PCDHA6: variants seen among roughly 807,000 people sequenced by gnomAD.
PCDHA6 encodes the protein protocadherin alpha-6.
PCDHA6 carries 55 observed loss-of-function variants against 60.3 expected under a neutral mutation model. The ratio of observed to expected loss-of-function variants is 0.91; its 90% CI spans 0.73 to 1.14. The LOEUF (loss-of-function observed/expected upper bound fraction) is 1.14. Among genes scored for constraint, PCDHA6 ranks in the 50% most tolerant of loss-of-function variants. The pLI, the probability that PCDHA6 is intolerant of heterozygous loss-of-function variation, is 0.00. For synonymous variants in PCDHA6, 652 were observed against 557.9 expected (o/e 1.17, Z -2.38); for missense variants, 1,327 against 1,256.5 (o/e 1.06, Z -0.85).
At chr5:140,882,947 C>G in intron 1 of PCDHA6, 1 of 1,614,162 alleles carries the variant, frequency 6.2e-7, no homozygotes, top group Non-Finnish European at 8.5e-7. Context: ...TGGCACAGTT[C>G]AGCTGCTCAT....
chr5:140,869,697 G>T (rs552852780), intron 1 of PCDHA6: 1 of 1,613,410 alleles, frequency 6.2e-7, no homozygotes, highest in Admixed American at 1.7e-5. Flanking sequence ...TTTTAAAGAA[G>T]TCTCTGGATA....
At chr5:140,835,564 C>T (rs2150238347) in intron 1 of PCDHA6, 1 of 1,613,820 alleles carries the variant, frequency 6.2e-7, no homozygotes, top group African/African-American at 1.3e-5. Context: ...CCCCGCGTTC[C>T]CTTCAAGTTG....
rs1301296827 is a variant in PCDHA6, at chr5:140,828,272, C to T, written c.181C>T (p.Pro61Ser). Reference protein sequence around the residue: ...DLGLELAELVPRLFRMASKDR... With the variant: ...DLGLELAELVSRLFRMASKDR... ...GGGGCTGGAGCTGGCGGAGCTGGTG[C>T]CGCGCCTGTTCAGGATGGCCTCCAA... Residue 61 changes from proline (P) to serine (S), a missense_variant, in exon 1 of 4, where the codon CCG becomes TCG. Pro to Ser is a moderately conservative substitution (Grantham distance 74, BLOSUM62 -1). Coordinates refer to ENST00000529310, the MANE Select transcript of PCDHA6 (RefSeq NM_018909.4). The T allele has an allele frequency of 1.2e-6, 2 of 1,614,040 alleles. No homozygotes were observed. The highest frequency in any genetic ancestry group is 1.7e-6 in the Non-Finnish European group (2 of 1,180,056).
intron 1 of PCDHA6, among the ~76,000 whole-genome samples, chr5:140,930,847 A>G (rs1411771257): frequency 6.6e-6 from 1 of 152,224 alleles, no homozygotes; most frequent in Non-Finnish European, 1.5e-5. Context: ...AAATATGTGC[A>G]TATATGAATT....
intron 1 of PCDHA6, among the ~76,000 whole-genome samples, chr5:140,948,492 A>G (rs915795889): frequency 4.0e-5 from 6 of 151,594 alleles, no homozygotes; most frequent in Non-Finnish European, 8.9e-5. Flanking sequence ...AATTTCTTTC[A>G]TAGACTTTCT....
chr5:140,875,567 A>G (rs1389005721), intron 1 of PCDHA6: 14 of 1,613,986 alleles, frequency 8.7e-6, no homozygotes, highest in African/African-American at 2.7e-5. Context: ...GGCCAGCTCC[A>G]CTACTCCGTC....
At chr5:140,875,941 G>A in intron 1 of PCDHA6, 3 of 1,614,160 alleles carry the variant, frequency 1.9e-6, no homozygotes, top group East Asian at 4.5e-5. Context: ...TCTAGAGGGC[G>A]CTTCTGATGC....
chr5:140,968,594 A>G (rs1218717024), intron 1 of PCDHA6: 3 of 1,614,176 alleles, frequency 1.9e-6, no homozygotes, highest in Non-Finnish European at 2.5e-6. Flanking sequence ...AGTCATAGCT[A>G]TGGACTCAGA....
At chr5:140,858,475 G>A in intron 1 of PCDHA6, 1 of 1,517,006 alleles carries the variant, frequency 6.6e-7, no homozygotes, top group Non-Finnish European at 9.0e-7. Flanking sequence ...TGTGCTTTAT[G>A]AATAATATTT....
intron 1 of PCDHA6, among the ~76,000 whole-genome samples, chr5:140,881,608 C>T (rs1254695632): frequency 6.6e-6 from 1 of 152,154 alleles, no homozygotes; most frequent in Non-Finnish European, 1.5e-5. Flanking sequence ...ATATGATGTG[C>T]TTATTCAAAA....
At chr5:140,907,857 G>C (rs1554193158) in intron 1 of PCDHA6, among the ~76,000 whole-genome samples, 1 of 152,210 alleles carries the variant, frequency 6.6e-6, no homozygotes, top group Non-Finnish European at 1.5e-5. Flanking sequence ...CTCTGCTGAG[G>C]CCAGCCGTTG....
chr5:140,858,438 T>C (rs1175682550), intron 1 of PCDHA6: 1 of 1,540,812 alleles, frequency 6.5e-7, no homozygotes, highest in Admixed American at 2.0e-5. Context: ...TCTAGGAAGG[T>C]GGGTTATTAC....
intron 1 of PCDHA6, chr5:140,859,840 A>G (rs989673306): frequency 6.6e-6 from 1 of 152,134 alleles, no homozygotes; most frequent in South Asian, 2.1e-4. Flanking sequence ...TTGTTATTTT[A>G]TCAAATAGGT....
rs782362205 is a variant in PCDHA6 at position 141,009,960 on chromosome 5, A to G, written c.*23A>G. The G allele has an allele frequency of 6.3e-7, 1 of 1,589,232 alleles. No homozygotes were observed. The highest frequency in any genetic ancestry group is 2.2e-5 in the East Asian group (1 of 44,694). On this transcript the variant is annotated 3_prime_UTR_variant, in exon 4 of 4. Transcript: ENST00000529310. The stretch of plus-strand genomic sequence containing the variant: ...TGAGGTCCTCAAATGGAAACAAGCC[A>G]CTTAGCCAGTTTTTGTAATAATGGC...
chr5:140,856,717 A>G (rs947466965), intron 1 of PCDHA6: 1 of 1,596,480 alleles, frequency 6.3e-7, no homozygotes, highest in Non-Finnish European at 8.6e-7. Context: ...AATTTACCGG[A>G]TCTGTTTCTC....
intron 1 of PCDHA6, among the ~76,000 whole-genome samples, chr5:140,899,416 G>T (rs1442946841): frequency 6.6e-6 from 1 of 152,148 alleles, no homozygotes; most frequent in Admixed American, 6.5e-5. Flanking sequence ...GTTGAATTTT[G>T]TCAAAGGTCT....
At chr5:140,851,411 A>T in intron 1 of PCDHA6, 1 of 962,208 alleles carries the variant, frequency 1.0e-6, no homozygotes, top group Non-Finnish European at 1.3e-6. Flanking sequence ...ATAAGAAAGA[A>T]ACTTCCCCTA....
chr5:140,993,460 TCTCACACACA>T (rs1210103837), intron 3 of PCDHA6, among the ~76,000 whole-genome samples: 11 of 104,506 alleles, frequency 1.1e-4, no homozygotes, highest in Admixed American at 1.2e-4. Flanking sequence ...CTTCTTTCTT[TCTCACACACA>T]CACACACACA....
At chr5:140,848,979 A>G in intron 1 of PCDHA6, 1 of 1,599,958 alleles carries the variant, frequency 6.3e-7, no homozygotes, top group Non-Finnish European at 8.5e-7. Flanking sequence ...CGATGCAGAT[A>G]TCGGGGAGAA....
Sources: allele counts gnomAD v4.1 joint callset (sites outside exome capture counted in the v4.1 genomes callset), GRCh38; gene constraint gnomAD v4.1.1; transcripts MANE v1.5; gene names NCBI Gene and HGNC (gene_info 2026-07-23, HGNC 2026-07-21).